Variants in TRIO observed in about 807,000 individuals in gnomAD.
The protein encoded by TRIO is triple functional domain protein.
In TRIO, 58 loss-of-function variants were observed where a neutral mutation model predicts 351.9. The ratio of observed to expected loss-of-function variants is 0.16; its 90% CI spans 0.13 to 0.21. TRIO has a LOEUF of 0.21. TRIO is among the 10% of genes least tolerant of loss of function. The pLI is 1.00. For missense variants in TRIO, 3,201 were observed against 4,027.8 expected (o/e 0.79, Z 5.56); for synonymous variants, 1,758 against 1,595.7 (o/e 1.10, Z -2.42).
chr5:14,210,410 T>A (rs1330549381), intron 1 of TRIO, among the ~76,000 whole-genome samples: 1 of 152,328 alleles, frequency 6.6e-6, no homozygotes. Flanking sequence ...CATGGGGACC[T>A]ATTTGCAGCC....
At chr5:14,468,091 A>G (rs974496254) in intron 37 of TRIO, among the ~76,000 whole-genome samples, 14 of 152,212 alleles carry the variant, frequency 9.2e-5, no homozygotes, top group Non-Finnish European at 1.8e-4. Context: ...TTTAAATTGT[A>G]TTGCATTTTA....
At chr5:14,149,135 C>T (rs528754614) in intron 1 of TRIO, among the ~76,000 whole-genome samples, 5 of 152,294 alleles carry the variant, frequency 3.3e-5, no homozygotes, top group Admixed American at 6.5e-5. Context: ...TTGCGGGGCC[C>T]TGCATGTGCT....
chr5:14,158,700 G>A (rs992752624), intron 1 of TRIO, among the ~76,000 whole-genome samples: 4 of 152,074 alleles, frequency 2.6e-5, no homozygotes, highest in Non-Finnish European at 4.4e-5. Flanking sequence ...GCTTGGTGGC[G>A]TGCACCTGTA....
chr5:14,191,436 T>A (rs1382300391), intron 1 of TRIO, among the ~76,000 whole-genome samples: 1 of 149,520 alleles, frequency 6.7e-6, no homozygotes, highest in Non-Finnish European at 1.5e-5. Flanking sequence ...TACAAAAAAA[T>A]GAAAATATTT....
rs200158263 is a variant in TRIO at position 14,316,572 on chromosome 5, C to T, written c.1560C>T (p.Ser520=). The change falls in exon 9 of 57, where the codon AGC becomes AGT. Residue 520 remains serine, a synonymous_variant. Coordinates refer to ENST00000344204, the MANE Select transcript of TRIO (RefSeq NM_007118.4). The part of the protein sequence containing the change: ...DKLQRPLTPG[S]SDSLTASANY... ...TCCAGCGGCCCTTGACTCCCGGCAG[C>T]TCCGATTCCCTGACAGCCTCTGCCA... The T allele has an allele frequency of 2.5e-6, 4 of 1,614,082 alleles. No individual in the cohort carries two copies. Among genetic ancestry groups the T allele is most frequent in the Non-Finnish European group, 3.4e-6 (4 of 1,180,040 alleles).
chr5:14,488,726 A>G, intron 48 of TRIO: 1 of 578,952 alleles, frequency 1.7e-6, no homozygotes, highest in Non-Finnish European at 3.1e-6. Flanking sequence ...CTGCTGGGGA[A>G]GACCATTCCC....
chr5:14,397,403 T>C (rs969224699), intron 29 of TRIO: 7 of 387,418 alleles, frequency 1.8e-5, no homozygotes, highest in African/African-American at 1.0e-4. Flanking sequence ...AATAGCACTT[T>C]GTGTCGCTTG....
chr5:14,415,837 A>G (rs951721657), intron 33 of TRIO, among the ~76,000 whole-genome samples: 7 of 152,102 alleles, frequency 4.6e-5, no homozygotes, highest in African/African-American at 7.2e-5. Flanking sequence ...TGGTCCAATT[A>G]AGGCTGTTTT....
chr5:14,278,582 T>C (rs547700313), intron 2 of TRIO, among the ~76,000 whole-genome samples: 1 of 152,360 alleles, frequency 6.6e-6, no homozygotes, highest in Admixed American at 6.5e-5. Context: ...GTAATATGTG[T>C]TGATCTATGA....
At chr5:14,297,050 T>G in intron 6 of TRIO, 22 bp from the exon 7 acceptor site, 1 of 1,600,044 alleles carries the variant, frequency 6.2e-7, no homozygotes, top group Non-Finnish European at 8.5e-7. Flanking sequence ...TAAGGAGCCC[T>G]CTTTTCCTGC....
chr5:14,410,966 C>T (rs772095566), intron 33 of TRIO, among the ~76,000 whole-genome samples: 1 of 152,218 alleles, frequency 6.6e-6, no homozygotes, highest in Non-Finnish European at 1.5e-5. Flanking sequence ...TGGTACTTAA[C>T]CTGACACAAT....
At position 14,456,217 on chromosome 5, in the gene TRIO, C is replaced by T. The variant is rs372357332; in HGVS notation, c.5204-4802C>T. Among the ~76,000 whole-genome samples the T allele has an allele frequency of 9.2e-5, 14 of 152,358 alleles. No homozygotes were observed. The South Asian group carries it at 1.4e-3, about 16-fold the overall frequency. On this transcript the variant is annotated intron_variant, in intron 34 of 56. Transcript: ENST00000344204. ...TGGAACTCTTGCAGGCGCTAGCCTG[C>T]GAGCACCGCACACAGCCCCAGTTCC...
intron 9 of TRIO, among the ~76,000 whole-genome samples, chr5:14,326,659 AG>A (rs1374506216): frequency 6.6e-6 from 1 of 152,238 alleles, no homozygotes; most frequent in East Asian, 1.9e-4. Flanking sequence ...TGTGGAGTTG[AG>A]GACACAGAGC....
In TRIO at chr5:14,504,492, C is replaced by A. The variant is rs776471690; in HGVS notation, c.8511C>A (p.Val2837=). Residue 2837 remains valine (V), a synonymous_variant, in exon 55 of 57, where the codon GTC becomes GTA. Transcript: ENST00000344204. ...VNKKLMKRDQ[V]THELGILQSL... The stretch of plus-strand genomic sequence containing the variant: ...AGAAGTTGATGAAGCGCGACCAGGT[C>A]ACCCATGAGCTTGGCATCCTGCAGA... 3.7e-6 allele frequency: 6 copies of A among 1,614,176 alleles called. No individual in the cohort carries two copies. The South Asian group carries it at 6.6e-5, about 18-fold the overall frequency.
chr5:14,404,147 T>C (rs986577577), intron 31 of TRIO, among the ~76,000 whole-genome samples: 10 of 151,864 alleles, frequency 6.6e-5, no homozygotes, highest in African/African-American at 1.5e-4. Flanking sequence ...TGTGTGCTTA[T>C]GGTGGTAGAG....
At chr5:14,224,997 G>A (rs770868956) in intron 1 of TRIO, among the ~76,000 whole-genome samples, 6 of 152,112 alleles carry the variant, frequency 3.9e-5, no homozygotes, top group Non-Finnish European at 5.9e-5. Context: ...GAAAGGGGTC[G>A]CACTACCTCA....
intron 8 of TRIO, among the ~76,000 whole-genome samples, chr5:14,312,086 G>A (rs1435567072): frequency 6.6e-6 from 1 of 152,136 alleles, no homozygotes; most frequent in Non-Finnish European, 1.5e-5. Flanking sequence ...CCTTGTGCAG[G>A]TGAAGAATAT....
rs535262482 is a variant in TRIO, at chr5:14,472,821, T to C, written c.5979+163T>C. ...TTTCCGAAAAATTAAGTTTAGCCAA[T>C]TGTCTTTACCATCTGTATTCAGTTG... On this transcript the variant is annotated intron_variant, in intron 39 of 56. Transcript: ENST00000344204. Among the ~76,000 whole-genome samples the C allele has an allele frequency of 3.3e-5, 5 of 152,338 alleles. No homozygotes were observed. In the South Asian group the frequency reaches 1.0e-3, roughly 32 times the overall value.
In TRIO at chr5:14,368,642, C is replaced by T. The variant is rs967055733; in HGVS notation, c.2875-66C>T. 6.5e-6 allele frequency: 10 copies of T among 1,528,716 alleles called. No individual in the cohort carries two copies. In the African/African-American group the frequency reaches 1.1e-4, roughly 17 times the overall value. The allele number at this position is 1,528,716 out of a possible 1,614,324, so 94.7% of individuals were successfully genotyped here. ...TGAAGAACAGAGTAACTGTAGCCAT[C>T]CTGGTTCCTTTCTAGTCAGTGGGGA... On this transcript the variant is annotated intron_variant, in intron 16 of 56. Transcript: ENST00000344204.
Sources: gnomAD v4.1 joint callset for allele counts (sites outside exome capture counted in the v4.1 genomes callset) on GRCh38, gnomAD v4.1.1 for gene constraint, MANE v1.5 for transcripts, NCBI Gene and HGNC (gene_info 2026-07-23, HGNC 2026-07-21) for gene names.